ZNF423: variants seen among roughly 807,000 people sequenced by gnomAD.
The protein encoded by ZNF423 is Ebf-associated zinc finger protein.
ZNF423 carries 12 observed loss-of-function variants against 95.8 expected under a neutral mutation model. That is an observed-to-expected ratio of 0.13 (90% confidence interval 0.08 to 0.20). The LOEUF (loss-of-function observed/expected upper bound fraction) is 0.20. Ranked by LOEUF, ZNF423 falls within the 10% of genes least tolerant of loss-of-function variation. The pLI, the probability that ZNF423 is intolerant of heterozygous loss-of-function variation, is 1.00. For synonymous variants in ZNF423, 749 were observed against 711.9 expected (o/e 1.05, Z -0.83); for missense variants, 1,316 against 1,737.1 (o/e 0.76, Z 4.31).
intron 2 of ZNF423, among the ~76,000 whole-genome samples, chr16:49,788,208 GC>G (rs2034349964): frequency 6.6e-6 from 1 of 152,200 alleles, no homozygotes; most frequent in Non-Finnish European, 1.5e-5. Flanking sequence ...CCACAACAGT[GC>G]CCAAGCCTGG....
At chr16:49,833,575 G>A (rs940859993) in intron 1 of ZNF423, among the ~76,000 whole-genome samples, 3 of 152,040 alleles carry the variant, frequency 2.0e-5, no homozygotes, top group Non-Finnish European at 4.4e-5. Flanking sequence ...TCCTGACTTC[G>A]CTCCCAGAGC....
At chr16:49,732,796 C>T (rs1409019485) in intron 2 of ZNF423, among the ~76,000 whole-genome samples, 1 of 152,222 alleles carries the variant, frequency 6.6e-6, no homozygotes, top group Non-Finnish European at 1.5e-5. Flanking sequence ...CTTCCAAGCA[C>T]CCGACATCAA....
chr16:49,786,437 G>A (rs926882789), intron 2 of ZNF423, among the ~76,000 whole-genome samples: 3 of 152,234 alleles, frequency 2.0e-5, no homozygotes, highest in African/African-American at 4.8e-5. Flanking sequence ...AAAAGCTTGC[G>A]CTCTGGGCCA....
chr16:49,753,039 T>C (rs563511955), intron 2 of ZNF423, among the ~76,000 whole-genome samples: 3 of 151,770 alleles, frequency 2.0e-5, no homozygotes, highest in Admixed American at 6.5e-5. Context: ...AGGGCAAGAG[T>C]TCAACACCAG....
chr16:49,680,943 A>AG (rs200069372), intron 3 of ZNF423, among the ~76,000 whole-genome samples: 5,543 of 152,302 alleles, frequency 0.036, 157 homozygotes, highest in East Asian at 0.072. Flanking sequence ...ACACCAACTT[A>AG]GGCTCCCAAA....
intron 3 of ZNF423, among the ~76,000 whole-genome samples, chr16:49,661,116 G>A (rs1419814625): frequency 1.3e-5 from 2 of 151,662 alleles, no homozygotes; most frequent in East Asian, 1.9e-4. Flanking sequence ...AGCTACTCAG[G>A]AGGCTGAAGC....
At chr16:49,558,279 A>T (rs988408680) in intron 5 of ZNF423, among the ~76,000 whole-genome samples, 10 of 152,206 alleles carry the variant, frequency 6.6e-5, no homozygotes, top group Non-Finnish European at 1.3e-4. Flanking sequence ...GGAGTGACTT[A>T]AATGAGTTAA....
At chr16:49,806,627 C>T (rs1012664265) in intron 1 of ZNF423, among the ~76,000 whole-genome samples, 2 of 151,800 alleles carry the variant, frequency 1.3e-5, no homozygotes, top group South Asian at 2.1e-4. Flanking sequence ...GTATGTATGA[C>T]GTGTGTGTGT....
rs181808984 is a variant in ZNF423, at chr16:49,569,366, A to G, written c.3602-43872T>C. Among the ~76,000 whole-genome samples, 4 of 152,340 alleles carry G rather than the reference A, an allele frequency of 2.6e-5. No homozygotes were observed. In the East Asian group the frequency reaches 7.7e-4, roughly 29 times the overall value. On this transcript the variant is annotated intron_variant, in intron 5 of 7. Coordinates refer to ENST00000563137, the MANE Select transcript of ZNF423 (RefSeq NM_001379286.1). ...TGGATAATCCACTGAGACTGCAGAT[A>G]TGAAAGTCTGCACAGAGCAGATGCC...
chr16:49,803,835 G>A (rs1298043417), intron 1 of ZNF423, among the ~76,000 whole-genome samples: 1 of 152,026 alleles, frequency 6.6e-6, no homozygotes, highest in East Asian at 1.9e-4. Flanking sequence ...AGCTAGGGAA[G>A]GGGAAAGGCA....
At chr16:49,618,190 AC>A (rs1350380071) in intron 5 of ZNF423, among the ~76,000 whole-genome samples, 2 of 152,230 alleles carry the variant, frequency 1.3e-5, no homozygotes, top group Non-Finnish European at 2.9e-5. Flanking sequence ...GCAACATTGG[AC>A]ATGACACCTC....
chr16:49,780,211 G>A (rs1380899602), intron 2 of ZNF423, among the ~76,000 whole-genome samples: 1 of 152,226 alleles, frequency 6.6e-6, no homozygotes, highest in African/African-American at 2.4e-5. Flanking sequence ...TGTATGCACA[G>A]GCTCTGCATA....
intron 1 of ZNF423, among the ~76,000 whole-genome samples, chr16:49,793,383 T>C (rs2034447322): frequency 6.6e-6 from 1 of 152,108 alleles, no homozygotes; most frequent in Non-Finnish European, 1.5e-5. Context: ...CACTGAAGAC[T>C]CGCAGCTCAG....
chr16:49,583,926 T>C (rs1970745802), intron 5 of ZNF423, among the ~76,000 whole-genome samples: 1 of 152,310 alleles, frequency 6.6e-6, no homozygotes, highest in East Asian at 1.9e-4. Flanking sequence ...CAGGAGGAAG[T>C]TGGAGCCTGG....
At chr16:49,640,277 G>A (rs1002239366) in intron 3 of ZNF423, among the ~76,000 whole-genome samples, 3 of 152,012 alleles carry the variant, frequency 2.0e-5, no homozygotes, top group Non-Finnish European at 2.9e-5. Context: ...ACACAGATGC[G>A]CATACACACG....
intron 2 of ZNF423, among the ~76,000 whole-genome samples, chr16:49,733,131 C>A (rs1046082685): frequency 6.6e-6 from 1 of 151,946 alleles, no homozygotes; most frequent in Non-Finnish European, 1.5e-5. Flanking sequence ...TTGGAGCCTT[C>A]GATATTGTAA....
upstream of ZNF423, among the ~76,000 whole-genome samples, chr16:49,857,525 T>C (rs2144149257): frequency 6.6e-6 from 1 of 152,262 alleles, no homozygotes; most frequent in African/African-American, 2.4e-5. This position sits in a 1 kb window ranked among gnomAD's most constrained non-coding sequence, Gnocchi z 6.2. Context: ...TATTGCCACC[T>C]CGCGATGTAT....
intron 3 of ZNF423, among the ~76,000 whole-genome samples, chr16:49,697,812 C>T (rs748222832): frequency 1.1e-4 from 17 of 152,268 alleles, no homozygotes; most frequent in Admixed American, 3.3e-4. Flanking sequence ...GCCTTACCTA[C>T]GGTGCGGGCA....
intron 1 of ZNF423, 108 bp from the exon 2 acceptor site, chr16:49,789,654 T>G: frequency 9.6e-7 from 1 of 1,039,454 alleles, no homozygotes; most frequent in Non-Finnish European, 1.4e-6. Flanking sequence ...CTTATTATAA[T>G]ACCCATCACC....
Sources: allele counts gnomAD v4.1 joint callset (sites outside exome capture counted in the v4.1 genomes callset), GRCh38; gene constraint gnomAD v4.1.1; non-coding constraint Gnocchi (gnomAD v3.1); transcripts MANE v1.5; gene names NCBI Gene and HGNC (gene_info 2026-07-23, HGNC 2026-07-21).